The following ZNF844 variants were observed in gnomAD, a reference collection of about 807,000 sequenced individuals.
ZNF844 encodes zinc finger protein 844.
Under a neutral mutation model 11.4 loss-of-function variants are expected in ZNF844, and 11 were observed. The observed-to-expected ratio is 0.97, with a 90% CI of 0.61 to 1.60. ZNF844 has a LOEUF of 1.60. ZNF844 is among the 40% of genes most tolerant of loss of function. The pLI is 0.00. For missense variants in ZNF844, 790 were observed against 796.8 expected, an observed-to-expected ratio of 0.99 and a Z score of 0.10; for synonymous variants, 248 against 260.3, an observed-to-expected ratio of 0.95 and a Z score of 0.46.
At position 12,077,194 on chromosome 19, in the gene ZNF844, A is replaced by G. The variant is rs1010067794; in HGVS notation, c.*73A>G. ...TCCTTTCAGTGTCATAAAAGGATTC[A>G]CACTGGAGAGAAACCCTATGAGTGT... is the stretch of plus-strand genomic sequence containing the variant. On this transcript the variant is annotated 3_prime_UTR_variant, in exon 4 of 4. Transcript: ENST00000439326. 4 of 1,602,796 alleles carry G rather than the reference A, an allele frequency of 2.5e-6. No individual in the cohort carries two copies. The African/African-American group carries it at 5.4e-5, about 22-fold the overall frequency.
intron 1 of ZNF844, among the ~76,000 whole-genome samples, chr19:12,070,752 A>C (rs1242815326): frequency 6.6e-6 from 1 of 152,302 alleles, no homozygotes; most frequent in East Asian, 1.9e-4. Flanking sequence ...ATAAAGCCTT[A>C]TTTTTTGCCT....
In ZNF844 at chr19:12,076,717, A is replaced by C. The variant is rs767465490; in HGVS notation, c.1597A>C (p.Asn533His). 1 of 1,612,488 alleles carries C rather than the reference A, an allele frequency of 6.2e-7. No individual in the cohort carries two copies. The highest frequency in any genetic ancestry group is 8.5e-7 in the Non-Finnish European group (1 of 1,179,458). The change falls in exon 4 of 4, where the codon AAT becomes CAT. Residue 533 changes from asparagine to histidine, a missense_variant. Physicochemically the swap from Asn to His is moderately conservative, Grantham distance 68. This residue lies in a region of ZNF844 where 657 missense variants were observed against 636.2 expected (regional missense o/e 1.03). Transcript: ENST00000439326. ...KGLTLESNCM[N>H]LNNVKKPLDL... is the part of the protein sequence containing the mutation. The stretch of plus-strand genomic sequence containing the variant: ...ACTCACACTGGAAAGCAACTGTATG[A>C]ATCTAAACAATGTGAAAAAACCTTT...
At position 12,077,152 on chromosome 19, in the gene ZNF844, C is replaced by G; in HGVS notation, c.*31C>G. The stretch of plus-strand genomic sequence containing the variant: ...TATGAATGCAAGGAATGTGGCAAAG[C>G]CTTCACTTCTTCTGGTTCCTTTCAG... On this transcript the variant is annotated 3_prime_UTR_variant, in exon 4 of 4. Coordinates refer to ENST00000439326, the MANE Select transcript of ZNF844 (RefSeq NM_001136501.3). 6.2e-7 allele frequency: 1 copy of G among 1,602,922 alleles called. No individual in the cohort carries two copies. The highest frequency in any genetic ancestry group is 1.7e-5 in the Admixed American group (1 of 57,756).
chr19:12,076,761 C>T lies in ZNF844; in HGVS notation c.1641C>T (p.Phe547=), dbSNP rs1975828304. 6.3e-7 allele frequency: 1 copy of T among 1,594,308 alleles called. No homozygotes were observed. Among genetic ancestry groups the T allele is most frequent in the Non-Finnish European group, 8.5e-7 (1 of 1,169,838 alleles). Residue 547 remains phenylalanine (F), a synonymous_variant, in exon 4 of 4, where the codon TTC becomes TTT. Transcript: ENST00000439326. ...VKKPLDLSET[F]KFMKRHTLER... ...AACCTTTGGATCTGTCAGAAACCTTCAAATTCATGAAAAGACACACCCTGG... is the reference window on the plus strand; with the variant it reads ...AACCTTTGGATCTGTCAGAAACCTTTAAATTCATGAAAAGACACACCCTGG...
intron 1 of ZNF844, among the ~76,000 whole-genome samples, chr19:12,067,334 G>A (rs1362898867): frequency 1.3e-5 from 2 of 152,044 alleles, no homozygotes; most frequent in Admixed American, 6.6e-5. Flanking sequence ...AAATTAGGCC[G>A]GGTGCAGTGG....
chr19:12,074,293 A>G, intron 2 of ZNF844, 68 bp from the exon 3 acceptor site: 2 of 1,491,192 alleles, frequency 1.3e-6, no homozygotes, highest in Non-Finnish European at 1.8e-6. Context: ...TCCCGTGAAC[A>G]TAGAATCTAA....
intron 1 of ZNF844, 83 bp downstream of exon 1, chr19:12,064,959 G>A (rs1975671436): frequency 2.1e-5 from 31 of 1,477,316 alleles, no homozygotes; most frequent in Non-Finnish European, 2.8e-5. Flanking sequence ...AACCGGCTGT[G>A]CCGGGACCCG....
At chr19:12,070,076 A>G (rs1208809115) in intron 1 of ZNF844, 1 of 150,864 alleles carries the variant, frequency 6.6e-6, no homozygotes, top group Non-Finnish European at 1.5e-5. Flanking sequence ...TGGGCAATAT[A>G]ATGAGACCCC....
chr19:12,076,981 A>G lies in ZNF844; in HGVS notation c.1861A>G (p.Lys621Glu). 6.2e-7 allele frequency: 1 copy of G among 1,601,562 alleles called. No individual in the cohort carries two copies. The highest frequency in any genetic ancestry group is 8.5e-7 in the Non-Finnish European group (1 of 1,173,646). ...RNPMNVRNAE[K>E]RSIIFLLCVY... ...CCCTATGAATGTAAGGAATGCGGAA[A>G]AGCGTTCAATTATTTTTCTTCTTTG... Residue 621 changes from lysine to glutamate, a missense_variant, in exon 4 of 4, where the codon AAG becomes GAG. Physicochemically the swap from Lys to Glu is moderately conservative, Grantham distance 56. Coordinates refer to ENST00000439326, the MANE Select transcript of ZNF844 (RefSeq NM_001136501.3).
rs1271080761 is a variant in ZNF844 at position 12,075,202 on chromosome 19, T to G, written c.192-110T>G. The G allele has an allele frequency of 3.8e-6, 3 of 795,154 alleles. No homozygotes were observed. In the African/African-American group the frequency reaches 5.5e-5, roughly 15 times the overall value. 49.3% of individuals were successfully genotyped at this position (795,154 alleles called of 1,614,324 possible). ...CATGTACCCTAAAACTTAAAGTATA[T>G]TAATAATAAAATAAAATAAAATAAA... On this transcript the variant is annotated intron_variant, in intron 3 of 3. Coordinates refer to ENST00000439326, the MANE Select transcript of ZNF844 (RefSeq NM_001136501.3).
chr19:12,067,947 G>GA (rs1975709565), intron 1 of ZNF844, among the ~76,000 whole-genome samples: 4 of 123,854 alleles, frequency 3.2e-5, no homozygotes, highest in African/African-American at 1.4e-4. Flanking sequence ...AAAGAAAGAA[G>GA]GAAAGAAGGA....
rs763830307 is a variant in ZNF844, at chr19:12,080,881, G to A, written c.*3760G>A. On this transcript the variant is annotated 3_prime_UTR_variant, in exon 4 of 4. Coordinates refer to ENST00000439326, the MANE Select transcript of ZNF844 (RefSeq NM_001136501.3). ...TGATTCTGGTGTCTCAGCCACCTGAGTAGTCAGGATTACAGGTGCACACCA... is the reference window on the plus strand; with the variant it reads ...TGATTCTGGTGTCTCAGCCACCTGAATAGTCAGGATTACAGGTGCACACCA... 2 of 152,160 alleles carry A rather than the reference G, an allele frequency of 1.3e-5. No homozygotes were observed. Among genetic ancestry groups the A allele is most frequent in the African/African-American group, 4.8e-5 (2 of 41,416 alleles). 9.4% of individuals were successfully genotyped at this position (152,160 alleles called of 1,614,324 possible). A position where few individuals can be genotyped will look rare whatever the true frequency, so the allele number is the denominator to read the frequency against.
At chr19:12,074,221 T>C in intron 2 of ZNF844, 64 bp downstream of exon 2, 1 of 1,602,608 alleles carries the variant, frequency 6.2e-7, no homozygotes, top group Non-Finnish European at 8.5e-7. Context: ...ATTAATGCTA[T>C]TCCTTGATTT....
chr19:12,068,881 C>T (rs1285858220), intron 1 of ZNF844, among the ~76,000 whole-genome samples: 2 of 152,082 alleles, frequency 1.3e-5, no homozygotes, highest in Non-Finnish European at 2.9e-5. Context: ...TGACTGCAAG[C>T]TAAGGTCAAT....
Position 12,076,661 on chromosome 19 carries a change from A to T in ZNF844, c.1541A>T (p.His514Leu). Residue 514 changes from histidine to leucine, a missense_variant, in exon 4 of 4, where the codon CAT (histidine) becomes CTT (leucine). Physicochemically the swap from His to Leu is moderately conservative, Grantham distance 99. Around this residue, in one of 3 missense-constraint regions of ZNF844, gnomAD observed 657 missense variants for 636.2 expected, o/e 1.03. Transcript: ENST00000439326. ...MSVSNVGKPS[H>L]LPHTFKCMKG... ...GTAAGCAATGTGGGAAAGCCTTCAC[A>T]TCTGCCTCACACCTTCAAATGCATG... 2 of 1,612,646 alleles carry T rather than the reference A, an allele frequency of 1.2e-6. No homozygotes were observed. The highest frequency in any genetic ancestry group is 2.2e-5 in the South Asian group (2 of 90,952).
At chr19:12,071,814 C>CT (rs1438866909) in intron 1 of ZNF844, among the ~76,000 whole-genome samples, 1 of 150,600 alleles carries the variant, frequency 6.6e-6, no homozygotes, top group African/African-American at 2.4e-5. Flanking sequence ...TATAACTCGT[C>CT]TAAGATGAAT....
intron 1 of ZNF844, among the ~76,000 whole-genome samples, chr19:12,071,692 T>G (rs1407697463): frequency 7.0e-6 from 1 of 142,504 alleles, no homozygotes; most frequent in East Asian, 1.9e-4. Flanking sequence ...TTTCAATCAA[T>G]TAGGTTTTTT....
chr19:12,076,266 G>T lies in ZNF844; in HGVS notation c.1146G>T (p.Met382Ile). 1 of 1,612,188 alleles carries T rather than the reference G, an allele frequency of 6.2e-7. No individual in the cohort carries two copies. Among genetic ancestry groups the T allele is most frequent in the South Asian group, 1.1e-5 (1 of 90,860 alleles). The part of the protein sequence containing the change: ...PLILPVRFED[M>I]KELTLERNLM... ...TTCTCCCAGTTCGTTTTGAAGACAT[G>T]AAAGAACTCACACTGGAGAGAAACC... The change falls in exon 4 of 4, where the codon ATG becomes ATT. Residue 382 changes from methionine (M) to isoleucine (I), a missense_variant. By Grantham distance (10) the Met-to-Ile change is conservative (BLOSUM62 1). Coordinates refer to ENST00000439326, the MANE Select transcript of ZNF844 (RefSeq NM_001136501.3).
rs1471981646 is a variant in ZNF844 at position 12,075,734 on chromosome 19, C to G, written c.614C>G (p.Ala205Gly). The change falls in exon 4 of 4, where the codon GCC becomes GGC. Residue 205 changes from alanine to glycine, a missense_variant. Ala to Gly is a moderately conservative substitution (Grantham distance 60, BLOSUM62 0). Coordinates refer to ENST00000439326, the MANE Select transcript of ZNF844 (RefSeq NM_001136501.3). Reference sequence around the variant, plus strand: ...TATAAATGTAAGTTTTGTGGGAAAGCCTGCCCTTGTCTCAGCATATATCTT... The same window carrying G: ...TATAAATGTAAGTTTTGTGGGAAAGGCTGCCCTTGTCTCAGCATATATCTT... Reference protein sequence around the residue: ...GTYKCKFCGKACPCLSIYLIH... With the variant: ...GTYKCKFCGKGCPCLSIYLIH... 1 of 1,613,928 alleles carries G rather than the reference C, an allele frequency of 6.2e-7. No homozygotes were observed.
Sources: allele counts gnomAD v4.1 joint callset (sites outside exome capture counted in the v4.1 genomes callset), GRCh38; gene constraint gnomAD v4.1.1; regional missense constraint gnomAD v4.1.1; transcripts MANE v1.5; gene names NCBI Gene and HGNC (gene_info 2026-07-23, HGNC 2026-07-21).